USP34: variants seen among roughly 807,000 people sequenced by gnomAD.
USP34 encodes ubiquitin specific peptidase 34, also known as ubiquitin carboxyl-terminal hydrolase 34.
Under a neutral mutation model 460.3 loss-of-function variants are expected in USP34, and 70 were observed. The ratio of observed to expected loss-of-function variants is 0.15; its 90% CI spans 0.13 to 0.19. The LOEUF (loss-of-function observed/expected upper bound fraction) is 0.19. USP34 is among the 10% of genes least tolerant of loss of function. USP34 has a pLI of 1.00. For synonymous variants in USP34, 1,647 were observed against 1,405.3 expected (o/e 1.17, Z -3.85); for missense variants, 3,985 against 4,236.2 (o/e 0.94, Z 1.65).
chr2:61,236,245 T>C lies in USP34; in HGVS notation c.6843-9A>G, dbSNP rs754100624. ...ACAATTGCCACATAAATCTAGAATT[T>C]AAAAATAATCATTTAAAATTCACAC... On this transcript the variant is annotated splice_polypyrimidine_tract_variant and intron_variant, in intron 54 of 79. Coordinates refer to ENST00000398571, the MANE Select transcript of USP34 (RefSeq NM_014709.4). 1 of 1,606,386 alleles carries C rather than the reference T, an allele frequency of 6.2e-7. No homozygotes were observed. The highest frequency in any genetic ancestry group is 8.5e-7 in the Non-Finnish European group (1 of 1,176,832).
intron 2 of USP34, among the ~76,000 whole-genome samples, chr2:61,416,385 T>G (rs1321498348): frequency 6.6e-6 from 1 of 152,200 alleles, no homozygotes; most frequent in Non-Finnish European, 1.5e-5. Context: ...CCTGGAAACC[T>G]GACAGAGAAC....
chr2:61,207,362 T>C (rs1476590206), intron 70 of USP34: 1 of 153,720 alleles, frequency 6.5e-6, no homozygotes, highest in East Asian at 1.9e-4. Context: ...GCTTGTTAAA[T>C]CTTTTAATTC....
chr2:61,348,917 CTAAT>C, intron 13 of USP34, 31 bp from the exon 14 acceptor site: 1 of 1,581,188 alleles, frequency 6.3e-7, no homozygotes, highest in Non-Finnish European at 8.6e-7. Context: ...GTTTTTACTT[CTAAT>C]TTATATTAAC....
chr2:61,373,375 T>C (rs1692690566), intron 8 of USP34, among the ~76,000 whole-genome samples: 2 of 151,968 alleles, frequency 1.3e-5, no homozygotes, highest in East Asian at 3.9e-4. Context: ...TAGTTTTTTT[T>C]TTTAAAGATC....
At chr2:61,244,332 T>C (rs1369891596) in intron 51 of USP34, among the ~76,000 whole-genome samples, 2 of 152,164 alleles carry the variant, frequency 1.3e-5, no homozygotes, top group African/African-American at 2.4e-5. Context: ...ATATCTATTG[T>C]TGGCTAGGTG....
chr2:61,254,330 C>G (rs17007623), intron 48 of USP34, among the ~76,000 whole-genome samples: 4,439 of 152,258 alleles, frequency 0.029, 224 homozygotes, highest in African/African-American at 0.1. Flanking sequence ...GCTCTTAAGT[C>G]TTTTCCAACA....
chr2:61,411,967 A>C (rs1012004515), intron 2 of USP34, among the ~76,000 whole-genome samples: 8 of 152,138 alleles, frequency 5.3e-5, no homozygotes, highest in Admixed American at 4.6e-4. Context: ...AGGCGGGTGG[A>C]TCACCTGAGG....
At chr2:61,342,437 A>C (rs1691633994) in intron 16 of USP34, among the ~76,000 whole-genome samples, 1 of 151,206 alleles carries the variant, frequency 6.6e-6, no homozygotes, top group Non-Finnish European at 1.5e-5. Flanking sequence ...AGTAGCTGGG[A>C]CTACAGGTGA....
At chr2:61,368,436 A>C (rs558557886) in intron 10 of USP34, among the ~76,000 whole-genome samples, 1 of 152,276 alleles carries the variant, frequency 6.6e-6, no homozygotes, top group Admixed American at 6.5e-5. Flanking sequence ...CATCTCAAAA[A>C]AAAAAAAGAA....
At chr2:61,317,632 T>A (rs780723283) in intron 23 of USP34, 22 bp downstream of exon 23, 138 of 1,573,354 alleles carry the variant, frequency 8.8e-5, no homozygotes, top group Admixed American at 7.7e-4. Flanking sequence ...AGTTGCCTAA[T>A]AAAGTAAGTC....
Position 61,283,467 on chromosome 2 carries a change from C to A in USP34, c.4833-18G>T. On this transcript the variant is annotated intron_variant, in intron 35 of 79. Coordinates refer to ENST00000398571, the MANE Select transcript of USP34 (RefSeq NM_014709.4). Reference sequence around the variant, plus strand: ...TTAAAACTCTGTAAAGTAAAAACACCACCACCACCAATTAAATTCAGCAAT... The same window carrying A: ...TTAAAACTCTGTAAAGTAAAAACACAACCACCACCAATTAAATTCAGCAAT... 3 of 1,601,488 alleles carry A rather than the reference C, an allele frequency of 1.9e-6. No homozygotes were observed. Among genetic ancestry groups the A allele is most frequent in the Non-Finnish European group, 2.6e-6 (3 of 1,175,528 alleles).
intron 34 of USP34, among the ~76,000 whole-genome samples, 195 bp from the exon 35 acceptor site, chr2:61,285,152 G>T (rs1339516222): frequency 3.3e-5 from 5 of 152,014 alleles, no homozygotes; most frequent in African/African-American, 1.2e-4. Context: ...AAAATGCCAA[G>T]AATCGGAAAA....
At chr2:61,193,858 C>T (rs1686714716) in intron 75 of USP34, among the ~76,000 whole-genome samples, 1 of 152,232 alleles carries the variant, frequency 6.6e-6, no homozygotes, top group Non-Finnish European at 1.5e-5. Context: ...TGGCCATGCT[C>T]TGTTAACACA....
chr2:61,229,727 T>G, intron 58 of USP34, 94 bp from the exon 59 acceptor site: 3 of 1,073,118 alleles, frequency 2.8e-6, no homozygotes, highest in Non-Finnish European at 4.1e-6. Flanking sequence ...GCCACCCATT[T>G]ATAGTTTGCA....
intron 41 of USP34, among the ~76,000 whole-genome samples, chr2:61,268,857 T>C (rs1023728979): frequency 6.6e-6 from 1 of 152,172 alleles, no homozygotes; most frequent in Admixed American, 6.5e-5. Context: ...AATGCATATA[T>C]TCAGTAAAAT....
At chr2:61,445,522 G>A (rs572782494) in intron 1 of USP34, among the ~76,000 whole-genome samples, 12 of 131,698 alleles carry the variant, frequency 9.1e-5, no homozygotes, top group Non-Finnish European at 1.3e-4. Flanking sequence ...GCAACAGATC[G>A]AGACTCCGTC....
intron 1 of USP34, among the ~76,000 whole-genome samples, chr2:61,423,687 C>T (rs951339296): frequency 3.9e-5 from 6 of 152,126 alleles, no homozygotes; most frequent in African/African-American, 1.4e-4. Context: ...CTCACACCTC[C>T]GATCCTAGTG....
intron 6 of USP34, among the ~76,000 whole-genome samples, chr2:61,381,367 C>G (rs1692969941): frequency 6.6e-6 from 1 of 151,900 alleles, no homozygotes; most frequent in African/African-American, 2.4e-5. Flanking sequence ...AAAACAAAGT[C>G]TTGCTTTGTC....
At chr2:61,356,782 T>C (rs1692121727) in intron 10 of USP34, among the ~76,000 whole-genome samples, 1 of 152,162 alleles carries the variant, frequency 6.6e-6, no homozygotes, top group Non-Finnish European at 1.5e-5. Flanking sequence ...AAATAAGTTC[T>C]AGAGATCTAT....
Sources: gnomAD v4.1 joint callset for allele counts (sites outside exome capture counted in the v4.1 genomes callset) on GRCh38, gnomAD v4.1.1 for gene constraint, MANE v1.5 for transcripts, NCBI Gene and HGNC (gene_info 2026-07-23, HGNC 2026-07-21) for gene names.